The following PIP5K1B variants were observed in gnomAD, a reference collection of about 807,000 sequenced individuals.
The protein encoded by PIP5K1B is phosphatidylinositol-4-phosphate 5-kinase type 1 beta.
PIP5K1B carries 42 observed loss-of-function variants against 67.0 expected under a neutral mutation model. That is an observed-to-expected ratio of 0.63 (90% CI 0.49 to 0.81). PIP5K1B has a LOEUF of 0.81. Ranked by LOEUF, PIP5K1B falls within the 30% of genes least tolerant of loss-of-function variation. PIP5K1B has a pLI of 0.00. For synonymous variants in PIP5K1B, 214 were observed against 231.4 expected, an observed-to-expected ratio of 0.92 and a Z score of 0.68; for missense variants, 459 against 646.3, an observed-to-expected ratio of 0.71 and a Z score of 3.14.
At chr9:68,823,796 T>G (rs1053895571) in intron 4 of PIP5K1B, among the ~76,000 whole-genome samples, 4 of 152,250 alleles carry the variant, frequency 2.6e-5, no homozygotes, top group African/African-American at 9.6e-5. Flanking sequence ...GCAAGACGTT[T>G]AGTCATAAAG....
chr9:68,988,618 AT>A (rs1309326664), intron 14 of PIP5K1B, among the ~76,000 whole-genome samples: 1 of 151,748 alleles, frequency 6.6e-6, no homozygotes, highest in African/African-American at 2.4e-5. Context: ...CCCGGCTAAT[AT>A]TTTGTATTTT....
intron 14 of PIP5K1B, among the ~76,000 whole-genome samples, chr9:68,975,299 AC>A (rs201078316): frequency 0.066 from 10,089 of 152,202 alleles, 701 homozygotes; most frequent in African/African-American, 0.17. Context: ...AAACTCCTGG[AC>A]TCAAATAATC....
chr9:69,002,580 A>G (rs1486493797), intron 15 of PIP5K1B, among the ~76,000 whole-genome samples: 1 of 152,158 alleles, frequency 6.6e-6, no homozygotes, highest in Non-Finnish European at 1.5e-5. Context: ...GTAATTCCCA[A>G]TAGAGGATAG....
In PIP5K1B at chr9:68,991,464, C is replaced by T. The variant is rs533434606; in HGVS notation, c.1620+207C>T. On this transcript the variant is annotated intron_variant, in intron 15 of 15. Transcript: ENST00000265382. ...ACACAAAAGAACATCTAGGTCAATACGAAATCACCACGTATAACAAGAGAA... is the reference window on the plus strand; with the variant it reads ...ACACAAAAGAACATCTAGGTCAATATGAAATCACCACGTATAACAAGAGAA... Among the ~76,000 whole-genome samples, 112 of 152,300 alleles carry T rather than the reference C, an allele frequency of 7.4e-4. 1 individual carries two copies. The highest frequency in any genetic ancestry group is 1.0e-3 in the Admixed American group (16 of 15,300).
chr9:68,956,202 G>A (rs1828381986), intron 14 of PIP5K1B, among the ~76,000 whole-genome samples: 2 of 152,210 alleles, frequency 1.3e-5, no homozygotes, highest in Admixed American at 6.5e-5. Context: ...CGGGCAAGGT[G>A]GCTCATGCCT....
intron 14 of PIP5K1B, among the ~76,000 whole-genome samples, chr9:68,990,424 AAG>A (rs143216202): frequency 0.095 from 14,364 of 151,686 alleles, 792 homozygotes; most frequent in Non-Finnish European, 0.13. Flanking sequence ...AGGGGAAAAA[AAG>A]AAAAATCATC....
chr9:68,933,187 G>C (rs570632215), intron 12 of PIP5K1B, among the ~76,000 whole-genome samples: 1 of 151,996 alleles, frequency 6.6e-6, no homozygotes, highest in Non-Finnish European at 1.5e-5. Flanking sequence ...TTAGCAGATA[G>C]AGATGATAGG....
At chr9:68,969,772 CTT>C (rs1163541713) in intron 14 of PIP5K1B, among the ~76,000 whole-genome samples, 2 of 152,158 alleles carry the variant, frequency 1.3e-5, no homozygotes, top group Admixed American at 1.3e-4. Flanking sequence ...AGTAAACAAA[CTT>C]CAGTGGGGAA....
chr9:68,904,715 GATTCACTACAGAAAC>G (rs905436180), intron 8 of PIP5K1B, among the ~76,000 whole-genome samples: 4 of 151,196 alleles, frequency 2.6e-5, no homozygotes, highest in African/African-American at 7.3e-5. Context: ...TGAGAATTCT[GATTCACTACAGAAAC>G]GGAAGGATTA....
chr9:68,931,981 T>C (rs1371471016), intron 12 of PIP5K1B, among the ~76,000 whole-genome samples: 1 of 152,218 alleles, frequency 6.6e-6, no homozygotes, highest in Admixed American at 6.5e-5. Context: ...AACTCACCAC[T>C]TGAGACAAAA....
intron 2 of PIP5K1B, among the ~76,000 whole-genome samples, chr9:68,787,811 T>G (rs1831715161): frequency 6.6e-6 from 1 of 152,132 alleles, no homozygotes; most frequent in South Asian, 2.1e-4. Flanking sequence ...TTTTGTATTT[T>G]TAGTAGAGAC....
At chr9:68,799,254 ACT>A (rs946843650) in intron 2 of PIP5K1B, among the ~76,000 whole-genome samples, 2 of 152,070 alleles carry the variant, frequency 1.3e-5, no homozygotes, top group Non-Finnish European at 2.9e-5. Context: ...AAATACTGAA[ACT>A]CTCTATCTGT....
At chr9:68,915,850 A>G (rs986838473) in intron 8 of PIP5K1B, among the ~76,000 whole-genome samples, 1 of 152,202 alleles carries the variant, frequency 6.6e-6, no homozygotes, top group African/African-American at 2.4e-5. Context: ...CTCAGTTCTC[A>G]TTGATGGCAA....
In PIP5K1B at chr9:68,925,795, A is replaced by ATTTTTTTTTTTTTTTTTTTTTT. The variant is rs71353094; in HGVS notation, c.1201+2429_1201+2430insTTTTTTTTTTTTTTTTTTTTTT. ...ACATGAATACCAGCTTGTGGTTCCAATTTTTTTTTTTTTTTTTTTTGAGAC... is the reference window on the plus strand; with the variant it reads ...ACATGAATACCAGCTTGTGGTTCCAATTTTTTTTTTTTTTTTTTTTTTTTTTTTTTTTTTTTTTTTTTGAGAC... On this transcript the variant is annotated intron_variant, in intron 12 of 15. Coordinates refer to ENST00000265382, the MANE Select transcript of PIP5K1B (RefSeq NM_003558.4). Among the ~76,000 whole-genome samples the ATTTTTTTTTTTTTTTTTTTTTT allele has an allele frequency of 2.2e-4, 16 of 73,276 alleles. 4 individuals are homozygous for ATTTTTTTTTTTTTTTTTTTTTT. The highest frequency in any genetic ancestry group is 6.3e-4 in the African/African-American group (11 of 17,554). 48.1% of individuals were successfully genotyped at this position (73,276 alleles called of 152,430 possible). A position where few individuals can be genotyped will look rare whatever the true frequency, so the allele number is the denominator to read the frequency against.
intron 1 of PIP5K1B, chr9:68,729,070 A>T (rs1828288048): frequency 6.6e-6 from 1 of 152,190 alleles, no homozygotes. Context: ...TCCTATGTTT[A>T]ATGACATTAA....
chr9:68,951,091 A>G (rs1291995549), intron 14 of PIP5K1B, among the ~76,000 whole-genome samples: 1 of 152,248 alleles, frequency 6.6e-6, no homozygotes, highest in Non-Finnish European at 1.5e-5. Context: ...CTCTCCATTC[A>G]GAATAATATT....
At chr9:68,793,025 A>G (rs1832068630) in intron 2 of PIP5K1B, among the ~76,000 whole-genome samples, 1 of 105,752 alleles carries the variant, frequency 9.5e-6, no homozygotes, top group African/African-American at 2.9e-5. Context: ...AGGGGCAGTA[A>G]CAAACATAAA....
At chr9:68,922,049 A>G (rs1210852562) in intron 11 of PIP5K1B, among the ~76,000 whole-genome samples, 3 of 152,308 alleles carry the variant, frequency 2.0e-5, no homozygotes, top group East Asian at 3.9e-4. Flanking sequence ...CTGAACTTTA[A>G]TCCTCTATGG....
intron 15 of PIP5K1B, among the ~76,000 whole-genome samples, chr9:69,000,569 G>T (rs6560487): frequency 5.3e-5 from 8 of 152,008 alleles, no homozygotes; most frequent in African/African-American, 1.9e-4. Context: ...CTAGCCTTTC[G>T]CTGGTTTGTA....
Sources: allele counts gnomAD v4.1 joint callset (sites outside exome capture counted in the v4.1 genomes callset), GRCh38; gene constraint gnomAD v4.1.1; transcripts MANE v1.5; gene names NCBI Gene and HGNC (gene_info 2026-07-23, HGNC 2026-07-21).